The following IVD variants were observed in gnomAD, a reference collection of about 807,000 sequenced individuals.
IVD encodes isovaleryl-CoA dehydrogenase, mitochondrial.
In IVD, 31 loss-of-function variants were observed where a neutral mutation model predicts 51.3. That is an observed-to-expected ratio of 0.60 (90% CI 0.45 to 0.81). IVD has a LOEUF of 0.81. IVD is among the 40% of genes least tolerant of loss of function. The probability of loss-of-function intolerance (pLI) is 0.00; values close to 1 mark genes in which losing one functional copy is unlikely to be tolerated. For synonymous variants in IVD, 205 were observed against 219.4 expected (o/e 0.93, Z 0.58); for missense variants, 475 against 552.0 (o/e 0.86, Z 1.40).
In IVD at chr15:40,421,035, G is replaced by C; in HGVS notation, c.*2772G>C. On this transcript the variant is annotated 3_prime_UTR_variant, in exon 12 of 12. Transcript: ENST00000487418. ...TTGGCTCCTCACCAACCCCAGTTCC[G>C]TCCCATCCTGAGGGCAAGATCCTGG... 1.0e-6 allele frequency: 1 copy of C among 985,412 alleles called. No individual in the cohort carries two copies. The highest frequency in any genetic ancestry group is 1.2e-6 in the Non-Finnish European group (1 of 829,978). 61.0% of individuals were successfully genotyped at this position (985,412 alleles called of 1,614,324 possible). A position where few individuals can be genotyped will look rare whatever the true frequency, so the allele number is the denominator to read the frequency against.
At chr15:40,417,961 A>G (rs1424833904) in intron 11 of IVD, among the ~76,000 whole-genome samples, 169 bp from the exon 12 acceptor site, 2 of 152,136 alleles carry the variant, frequency 1.3e-5, no homozygotes, top group African/African-American at 2.4e-5. Flanking sequence ...TCCTCCAAGG[A>G]TAAGGAAGGA....
downstream of IVD, chr15:40,421,349 T>C (rs1892283917): frequency 4.1e-6 from 4 of 985,292 alleles, no homozygotes; most frequent in South Asian, 9.4e-5. Context: ...AAGGGGCACG[T>C]CTACTTTGGT....
downstream of IVD, chr15:40,424,052 C>T: frequency 1.2e-6 from 1 of 828,150 alleles, no homozygotes; most frequent in East Asian, 9.1e-5. Flanking sequence ...ACCCACCACC[C>T]AGCCACTCTC....
rs1193504300 is a variant in IVD at position 40,418,301 on chromosome 15, G to A, written c.*38G>A. 6.2e-7 allele frequency: 1 copy of A among 1,612,464 alleles called. No individual in the cohort carries two copies. Among genetic ancestry groups the A allele is most frequent in the Non-Finnish European group, 8.5e-7 (1 of 1,179,342 alleles). On this transcript the variant is annotated 3_prime_UTR_variant, in exon 12 of 12. Coordinates refer to ENST00000487418, the MANE Select transcript of IVD (RefSeq NM_002225.5). ...TCGCCCCCTTTTCCTGCACCTAGTG[G>A]CCTTTCTTGGGAAGTAGAGATGTGG...
chr15:40,421,658 ATCT>A (rs1892308777), downstream of IVD, among the ~76,000 whole-genome samples: 1 of 152,218 alleles, frequency 6.6e-6, no homozygotes, highest in Non-Finnish European at 1.5e-5. Flanking sequence ...CTGCAAGGCA[ATCT>A]TCTACAACCA....
intron 1 of IVD, 70 bp downstream of exon 1, chr15:40,406,041 C>A: frequency 6.6e-7 from 1 of 1,510,348 alleles, no homozygotes; most frequent in Non-Finnish European, 8.9e-7. Context: ...CTCCTTCCTG[C>A]CTGGTCCCCA....
intron 7 of IVD, among the ~76,000 whole-genome samples, chr15:40,429,507 C>T (rs569560485): frequency 2.5e-4 from 38 of 152,224 alleles, no homozygotes; most frequent in Non-Finnish European, 1.3e-4. Context: ...CCCATCTACA[C>T]GCCCACCTGT....
intron 6 of IVD, chr15:40,412,713 G>T (rs530045386): frequency 4.5e-6 from 2 of 441,720 alleles, no homozygotes; most frequent in East Asian, 4.6e-5. Context: ...ATAAGGCCAG[G>T]GGGGTCGGGA....
chr15:40,407,752 G>C, intron 2 of IVD, 27 bp downstream of exon 2: 1 of 1,593,366 alleles, frequency 6.3e-7, no homozygotes, highest in South Asian at 1.1e-5. Context: ...GGGCAGTCGG[G>C]GGCAGTCAGG....
exon 9 of IVD, chr15:40,435,430 C>A (rs12594143): frequency 2.5e-6 from 3 of 1,209,560 alleles, no homozygotes; most frequent in East Asian, 1.4e-4. Flanking sequence ...AGACCTTTTC[C>A]GCCCAACACC....
At chr15:40,433,813 A>G (rs181724081) in intron 7 of IVD, 2 of 456,552 alleles carry the variant, frequency 4.4e-6, no homozygotes, top group Admixed American at 4.7e-5. Flanking sequence ...AGAAGAGCCC[A>G]CAAACTCTGG....
At position 40,410,817 on chromosome 15, in the gene IVD, A is replaced by G. The variant is rs1890992928; in HGVS notation, c.456+20A>G. Reference sequence around the variant, plus strand: ...CCGAAGGTGAGGAAATGGAAATGTAATACACGCTAATCTCACAGTGCAACC... The same window carrying G: ...CCGAAGGTGAGGAAATGGAAATGTAGTACACGCTAATCTCACAGTGCAACC... On this transcript the variant is annotated intron_variant, in intron 4 of 11. Coordinates refer to ENST00000487418, the MANE Select transcript of IVD (RefSeq NM_002225.5). The G allele has an allele frequency of 1.2e-6, 2 of 1,613,254 alleles. No individual in the cohort carries two copies. The highest frequency in any genetic ancestry group is 1.7e-6 in the Non-Finnish European group (2 of 1,179,708).
At chr15:40,416,393 C>T (rs899147761) in intron 11 of IVD, 31 bp downstream of exon 11, 2 of 1,597,026 alleles carry the variant, frequency 1.3e-6, no homozygotes, top group African/African-American at 2.7e-5. Context: ...AGTCCCGGGG[C>T]TCCCTCACTC....
At chr15:40,408,558 T>C (rs887060678) in intron 3 of IVD, among the ~76,000 whole-genome samples, 1 of 152,090 alleles carries the variant, frequency 6.6e-6, no homozygotes, top group African/African-American at 2.4e-5. Context: ...ATGTGTTTAA[T>C]AGGCTGTCCG....
At chr15:40,409,287 G>A (rs1005235817) in intron 3 of IVD, among the ~76,000 whole-genome samples, 4 of 152,014 alleles carry the variant, frequency 2.6e-5, no homozygotes, top group African/African-American at 9.7e-5. Context: ...TATAATCCGA[G>A]TGACTCGGGA....
downstream of IVD, among the ~76,000 whole-genome samples, chr15:40,427,128 G>T (rs554119101): frequency 6.6e-6 from 1 of 152,292 alleles, no homozygotes; most frequent in South Asian, 2.1e-4. Flanking sequence ...GCTCCTCAAA[G>T]GTGGCCAGTG....
At chr15:40,422,024 C>T (rs142206246), downstream of IVD, among the ~76,000 whole-genome samples, 1,372 of 152,342 alleles carry the variant, frequency 9.0e-3, 15 homozygotes, top group Non-Finnish European at 0.015. Context: ...TGACCCTCTC[C>T]CTCGAGGCAG....
chr15:40,410,626 A>G lies in IVD; in HGVS notation c.287-2A>G, dbSNP rs781340220. 6 of 1,614,206 alleles carry G rather than the reference A, an allele frequency of 3.7e-6. No individual in the cohort carries two copies. In the South Asian group the frequency reaches 6.6e-5, roughly 18 times the overall value. ...CACTCCCTTGTACCACACCACTCAC[A>G]GTTCAGTATGGCGGCTCCGGCCTGG... On this transcript the variant is annotated splice_acceptor_variant, in intron 3 of 11. Coordinates refer to ENST00000487418, the MANE Select transcript of IVD (RefSeq NM_002225.5). LOFTEE classifies it high-confidence loss of function.
At chr15:40,413,777 A>C (rs924956685) in intron 7 of IVD, among the ~76,000 whole-genome samples, 2 of 151,572 alleles carry the variant, frequency 1.3e-5, no homozygotes, top group East Asian at 3.9e-4. Flanking sequence ...GGCAGCCTCC[A>C]CCTCCTGGGT....
Sources: gnomAD v4.1 joint callset for allele counts (sites outside exome capture counted in the v4.1 genomes callset) on GRCh38, gnomAD v4.1.1 for gene constraint, MANE v1.5 for transcripts, NCBI Gene and HGNC (gene_info 2026-07-23, HGNC 2026-07-21) for gene names.